The following TFB2M variants were observed in gnomAD, a reference collection of about 807,000 sequenced individuals.
TFB2M encodes dimethyladenosine transferase 2, mitochondrial.
TFB2M carries 44 observed loss-of-function variants against 41.3 expected under a neutral mutation model. The ratio of observed to expected loss-of-function variants is 1.07; its 90% CI spans 0.84 to 1.37. The LOEUF is 1.37. Ranked by LOEUF, TFB2M falls within the 40% of genes most tolerant of loss-of-function variation. The probability of loss-of-function intolerance (pLI) is 0.00; values close to 1 mark genes in which losing one functional copy is unlikely to be tolerated. For missense variants in TFB2M, 496 were observed against 490.2 expected, an observed-to-expected ratio of 1.01 and a Z score of -0.11; for synonymous variants, 188 against 176.8, an observed-to-expected ratio of 1.06 and a Z score of -0.50.
rs182917066 is a variant in TFB2M, at chr1:246,555,114, A to C, written c.705+1459T>G. Among the ~76,000 whole-genome samples the C allele has an allele frequency of 1.4e-3, 209 of 152,350 alleles. 1 individual carries two copies. The highest frequency in any genetic ancestry group is 4.8e-3 in the African/African-American group (200 of 41,578). On this transcript the variant is annotated intron_variant, in intron 4 of 7. Coordinates refer to ENST00000366514, the MANE Select transcript of TFB2M (RefSeq NM_022366.3). ...ATATTCAACATGACTAATTATTAGG[A>C]AAATGCAAATCAAAAGCACAATGAA... is the stretch of plus-strand genomic sequence containing the variant.
chr1:246,547,772 T>C (rs1199015179), intron 6 of TFB2M, among the ~76,000 whole-genome samples: 4 of 90,310 alleles, frequency 4.4e-5, no homozygotes, highest in Non-Finnish European at 1.1e-4. Flanking sequence ...GCTACTTTAT[T>C]AGAATTTCAC....
intron 7 of TFB2M, among the ~76,000 whole-genome samples, chr1:246,544,204 C>T (rs944607568): frequency 2.6e-5 from 4 of 152,166 alleles, no homozygotes; most frequent in African/African-American, 9.7e-5. Flanking sequence ...TCCAGTAATG[C>T]TGATTTCTCT....
chr1:246,565,521 G>T (rs1365197524), intron 1 of TFB2M, among the ~76,000 whole-genome samples: 1 of 152,150 alleles, frequency 6.6e-6, no homozygotes, highest in African/African-American at 2.4e-5. Flanking sequence ...AGACCATCCT[G>T]GCCAACACGG....
chr1:246,548,138 G>C (rs1280563075), intron 6 of TFB2M, among the ~76,000 whole-genome samples: 4 of 151,886 alleles, frequency 2.6e-5, no homozygotes, highest in Non-Finnish European at 5.9e-5. Context: ...ATAGAGGCGG[G>C]GTTTCACCAT....
intron 3 of TFB2M, 21 bp from the exon 4 acceptor site, chr1:246,556,742 A>G: frequency 1.3e-6 from 2 of 1,534,484 alleles, no homozygotes; most frequent in Admixed American, 2.5e-5. Context: ...TATAAGCAAA[A>G]AGATTTGAAT....
intron 5 of TFB2M, among the ~76,000 whole-genome samples, 175 bp downstream of exon 5, chr1:246,551,038 G>A (rs1378946116): frequency 2.0e-5 from 3 of 152,152 alleles, no homozygotes; most frequent in Non-Finnish European, 4.4e-5. Flanking sequence ...AGCCAGGCAT[G>A]GTGGCGCCTG....
At chr1:246,556,870 T>A in intron 3 of TFB2M, 149 bp from the exon 4 acceptor site, 1 of 707,108 alleles carries the variant, frequency 1.4e-6, no homozygotes, top group Non-Finnish European at 2.2e-6. Context: ...TTCCTTGGCA[T>A]GAAACTTGGC....
intron 2 of TFB2M, among the ~76,000 whole-genome samples, chr1:246,558,765 C>CGA (rs1659385018): frequency 1.3e-5 from 2 of 152,166 alleles, no homozygotes; most frequent in South Asian, 4.1e-4. Flanking sequence ...TTTACTTTTT[C>CGA]TAAAGACAGA....
chr1:246,553,750 T>C (rs544631799), intron 4 of TFB2M, among the ~76,000 whole-genome samples: 24 of 152,322 alleles, frequency 1.6e-4, no homozygotes, highest in African/African-American at 5.1e-4. Context: ...AGATTTAATA[T>C]TGAATACTGT....
chr1:246,566,022 C>T lies in TFB2M; in HGVS notation c.117G>A (p.Arg39=). ...EAATRKHLPA[R]NHCGLSDSSP... is the part of the protein sequence containing the mutation. Reference sequence around the variant, plus strand: ...AGGAGTCAGAGAGCCCACAGTGGTTCCTCGCCGGCAAATGCTTTCGCGTCG... The same window carrying T: ...AGGAGTCAGAGAGCCCACAGTGGTTTCTCGCCGGCAAATGCTTTCGCGTCG... The change falls in exon 1 of 8, where the codon AGG becomes AGA. Residue 39 remains arginine (R), a synonymous_variant. Transcript: ENST00000366514. The T allele has an allele frequency of 6.2e-7, 1 of 1,614,216 alleles. No individual in the cohort carries two copies. The highest frequency in any genetic ancestry group is 8.5e-7 in the Non-Finnish European group (1 of 1,180,028).
At chr1:246,546,964 T>TACACACACACAC (rs1457521313) in intron 6 of TFB2M, among the ~76,000 whole-genome samples, 64 of 74,956 alleles carry the variant, frequency 8.5e-4, no homozygotes, top group South Asian at 1.6e-3. Context: ...TATATGTATA[T>TACACACACACAC]ATACACACAC....
At chr1:246,564,487 TCAATAC>T in intron 1 of TFB2M, 53 bp from the exon 2 acceptor site, 3 of 1,518,086 alleles carry the variant, frequency 2.0e-6, no homozygotes, top group Non-Finnish European at 2.7e-6. Flanking sequence ...ATAATCTCTT[TCAATAC>T]CAAACTTTCA....
intron 5 of TFB2M, among the ~76,000 whole-genome samples, chr1:246,550,721 G>A (rs1659151955): frequency 2.0e-5 from 3 of 152,084 alleles, no homozygotes; most frequent in Admixed American, 2.0e-4. Flanking sequence ...TGTCTCTACC[G>A]AAAATACAAA....
Position 246,565,742 on chromosome 1 carries a change from G to A in TFB2M, c.313+84C>T, listed in dbSNP as rs531737620. ...AAAGAACAACAAAAAAGACCCCCCA[G>A]TATCTAAAATAGCACCCCGAGGAGG... On this transcript the variant is annotated intron_variant, in intron 1 of 7. Transcript: ENST00000366514. 1.1e-5 allele frequency: 16 copies of A among 1,409,546 alleles called. No homozygotes were observed. The South Asian group carries it at 1.7e-4, about 15-fold the overall frequency. 87.3% of individuals were successfully genotyped at this position (1,409,546 alleles called of 1,614,324 possible).
At chr1:246,553,232 A>G (rs550624854) in intron 4 of TFB2M, among the ~76,000 whole-genome samples, 1 of 152,262 alleles carries the variant, frequency 6.6e-6, no homozygotes, top group South Asian at 2.1e-4. Flanking sequence ...AAAAAACAAA[A>G]CAAAACAAAA....
intron 4 of TFB2M, among the ~76,000 whole-genome samples, chr1:246,556,049 C>T (rs1172871694): frequency 1.3e-5 from 2 of 152,144 alleles, no homozygotes; most frequent in South Asian, 2.1e-4. Context: ...CCTTGGCCTC[C>T]CAGAGTGCTG....
intron 6 of TFB2M, among the ~76,000 whole-genome samples, chr1:246,545,533 G>A (rs112275414): frequency 4.6e-5 from 7 of 151,802 alleles, no homozygotes; most frequent in African/African-American, 1.7e-4. Context: ...AAAAGGGCAG[G>A]CTTGCTTAAT....
rs190632543 is a variant in TFB2M, at chr1:246,553,152, C to T, written c.706-1850G>A. Among the ~76,000 whole-genome samples, 158 of 152,192 alleles carry T rather than the reference C, an allele frequency of 1.0e-3. 1 individual carries two copies. Among genetic ancestry groups the T allele is most frequent in the Admixed American group, 7.1e-3 (109 of 15,278 alleles). On this transcript the variant is annotated intron_variant, in intron 4 of 7. Transcript: ENST00000366514. Reference sequence around the variant, plus strand: ...CAGGAGAATCACTTAAACTGGGAGGCGGAGGTTGCAGTGAGCCGGGATTGC... The same window carrying T: ...CAGGAGAATCACTTAAACTGGGAGGTGGAGGTTGCAGTGAGCCGGGATTGC...
chr1:246,553,907 A>G (rs895094239), intron 4 of TFB2M, among the ~76,000 whole-genome samples: 21 of 152,262 alleles, frequency 1.4e-4, no homozygotes, highest in Admixed American at 1.3e-3. Flanking sequence ...ATCATTAAAA[A>G]GAATAAATTT....
Sources: allele counts gnomAD v4.1 joint callset (sites outside exome capture counted in the v4.1 genomes callset), GRCh38; gene constraint gnomAD v4.1.1; transcripts MANE v1.5; gene names NCBI Gene and HGNC (gene_info 2026-07-23, HGNC 2026-07-21).